Variants in MAGI2 observed in about 807,000 individuals in gnomAD.
The protein encoded by MAGI2 is membrane-associated guanylate kinase, WW and PDZ domain-containing protein 2.
Under a neutral mutation model 133.3 loss-of-function variants are expected in MAGI2, and 35 were observed. The observed-to-expected ratio is 0.26, with a 90% confidence interval of 0.20 to 0.35. The LOEUF (loss-of-function observed/expected upper bound fraction) is 0.35. MAGI2 is among the 10% of genes least tolerant of loss of function. The pLI, the probability that MAGI2 is intolerant of heterozygous loss-of-function variation, is 1.00. For missense variants in MAGI2, 1,636 were observed against 1,863.4 expected (o/e 0.88, Z 2.25); for synonymous variants, 729 against 710.6 (o/e 1.03, Z -0.41).
At chr7:78,407,336 C>A (rs1194305859) in intron 6 of MAGI2, among the ~76,000 whole-genome samples, 1 of 151,814 alleles carries the variant, frequency 6.6e-6, no homozygotes, top group Non-Finnish European at 1.5e-5. Context: ...TACATTTTTA[C>A]CCTATGTTTA....
intron 2 of MAGI2, among the ~76,000 whole-genome samples, chr7:78,644,188 G>A (rs980022137): frequency 1.3e-5 from 2 of 151,956 alleles, no homozygotes; most frequent in Non-Finnish European, 2.9e-5. Context: ...GCAAATACAT[G>A]GAGCTACAAA....
chr7:79,393,721 A>G (rs1168157954), intron 1 of MAGI2, among the ~76,000 whole-genome samples: 5 of 152,348 alleles, frequency 3.3e-5, no homozygotes, highest in Admixed American at 6.5e-5. Flanking sequence ...GAGCAATTTA[A>G]TGGCACATTG....
chr7:78,579,711 G>A (rs1364759274), intron 3 of MAGI2, among the ~76,000 whole-genome samples: 2 of 152,072 alleles, frequency 1.3e-5, no homozygotes, highest in South Asian at 2.1e-4. Context: ...TGCTATATAA[G>A]CCACTTCTAG....
chr7:78,487,338 G>C (rs559716540), intron 6 of MAGI2: 1 of 169,516 alleles, frequency 5.9e-6, no homozygotes, highest in Non-Finnish European at 1.3e-5. Flanking sequence ...AACTGGAATA[G>C]AGTACGTAGT....
At chr7:79,276,129 A>T (rs1482752739) in intron 1 of MAGI2, among the ~76,000 whole-genome samples, 1 of 152,054 alleles carries the variant, frequency 6.6e-6, no homozygotes, top group Non-Finnish European at 1.5e-5. Flanking sequence ...ATAGATTGTG[A>T]CTCTTCTGGT....
intron 2 of MAGI2, among the ~76,000 whole-genome samples, chr7:78,951,496 C>T (rs140893892): frequency 1.3e-5 from 2 of 152,064 alleles, no homozygotes; most frequent in Non-Finnish European, 2.9e-5. Flanking sequence ...ATGCCAGACG[C>T]TTATAAAACC....
intron 1 of MAGI2, among the ~76,000 whole-genome samples, chr7:79,159,499 C>G (rs948548383): frequency 2.4e-5 from 3 of 126,014 alleles, no homozygotes; most frequent in Non-Finnish European, 4.8e-5. Flanking sequence ...ACCTGCATGA[C>G]AGAGTGAGAC....
intron 3 of MAGI2, chr7:78,554,705 GA>G (rs1473238622): frequency 6.6e-6 from 1 of 152,172 alleles, no homozygotes; most frequent in Admixed American, 6.5e-5. Context: ...CCTTATCTCT[GA>G]AGACACAGGG....
At chr7:78,956,992 G>A (rs578193322) in intron 2 of MAGI2, among the ~76,000 whole-genome samples, 3 of 152,050 alleles carry the variant, frequency 2.0e-5, no homozygotes, top group African/African-American at 4.8e-5. Context: ...GGTCAGGCGC[G>A]GTAGCTCACG....
At chr7:78,420,991 A>G (rs1798740499) in intron 6 of MAGI2, among the ~76,000 whole-genome samples, 1 of 152,216 alleles carries the variant, frequency 6.6e-6, no homozygotes, top group African/African-American at 2.4e-5. Context: ...AAGTGTTCCA[A>G]GTTGACAAAT....
chr7:79,164,586 G>T (rs1280121638), intron 1 of MAGI2, among the ~76,000 whole-genome samples: 1 of 151,836 alleles, frequency 6.6e-6, no homozygotes, highest in African/African-American at 2.4e-5. Context: ...TAGAACCTTG[G>T]TCTCCACAGT....
At chr7:78,144,308 AC>A (rs1191284270) in intron 16 of MAGI2, among the ~76,000 whole-genome samples, 1 of 152,116 alleles carries the variant, frequency 6.6e-6, no homozygotes, top group Non-Finnish European at 1.5e-5. Context: ...TAATATTCCT[AC>A]ATAGCTGTTT....
intron 3 of MAGI2, among the ~76,000 whole-genome samples, chr7:78,607,221 C>T (rs1805910376): frequency 6.6e-6 from 1 of 152,104 alleles, no homozygotes; most frequent in South Asian, 2.1e-4. Context: ...TGAGAGAAAA[C>T]ATCACTCTGA....
At chr7:78,828,637 TTTAG>T (rs1227491447) in intron 2 of MAGI2, among the ~76,000 whole-genome samples, 1 of 152,206 alleles carries the variant, frequency 6.6e-6, no homozygotes, top group Non-Finnish European at 1.5e-5. Context: ...AAGTGTGGAC[TTTAG>T]TTAATGTTAT....
chr7:78,809,733 T>C (rs1053997445), intron 2 of MAGI2, among the ~76,000 whole-genome samples: 1 of 152,152 alleles, frequency 6.6e-6, no homozygotes, highest in Admixed American at 6.5e-5. Context: ...ATATTGATGG[T>C]TTTTTTAAAA....
chr7:78,721,965 T>C (rs1302057045), intron 2 of MAGI2, among the ~76,000 whole-genome samples: 2 of 151,880 alleles, frequency 1.3e-5, no homozygotes, highest in African/African-American at 2.4e-5. Context: ...TATTGTATAA[T>C]CTATTATTAC....
At chr7:79,334,986 A>C (rs760873590) in intron 1 of MAGI2, among the ~76,000 whole-genome samples, 3 of 152,184 alleles carry the variant, frequency 2.0e-5, no homozygotes, top group Non-Finnish European at 4.4e-5. Context: ...AAAAGTCTCT[A>C]TGGTAACATT....
chr7:78,356,581 A>C (rs1792105502), intron 7 of MAGI2, among the ~76,000 whole-genome samples: 1 of 152,244 alleles, frequency 6.6e-6, no homozygotes, highest in South Asian at 2.1e-4. Context: ...TACTCCATGA[A>C]TATGTATACT....
intron 3 of MAGI2, among the ~76,000 whole-genome samples, chr7:78,561,895 TG>T (rs1487056137): frequency 6.6e-6 from 1 of 152,088 alleles, no homozygotes; most frequent in African/African-American, 2.4e-5. Flanking sequence ...CTATGGATGG[TG>T]TAGGATTTGG....
Sources: allele counts gnomAD v4.1 joint callset (sites outside exome capture counted in the v4.1 genomes callset), GRCh38; gene constraint gnomAD v4.1.1; transcripts MANE v1.5; gene names NCBI Gene and HGNC (gene_info 2026-07-23, HGNC 2026-07-21).